RBMXL1: variants seen among roughly 807,000 people sequenced by gnomAD.
RBMXL1 encodes RNA binding motif protein, X-linked-like-1.
A neutral mutation model predicts 29.0 loss-of-function variants in RBMXL1; 18 were observed. The ratio of observed to expected loss-of-function variants is 0.62; its 90% CI spans 0.43 to 0.92. The LOEUF is 0.92. Among genes scored for constraint, RBMXL1 ranks in the 40% least tolerant of loss-of-function variants. The probability of loss-of-function intolerance (pLI) is 0.00; values close to 1 mark genes in which losing one functional copy is unlikely to be tolerated. For missense variants in RBMXL1, 403 were observed against 495.8 expected (o/e 0.81, Z 1.78); for synonymous variants, 141 against 170.4 (o/e 0.83, Z 1.34).
In RBMXL1 at chr1:88,982,817, C is replaced by A. The variant is rs754134807; in HGVS notation, c.1010G>T (p.Ser337Ile). Residue 337 changes from serine (S) to isoleucine (I), a missense_variant, in exon 3 of 3, where the codon AGT becomes ATT. Physicochemically the swap from Ser to Ile is moderately radical, Grantham distance 142. Transcript: ENST00000652648. ...YSSSRSDLYSSCDRVGRQERG... is the reference protein window; with the variant it reads ...YSSSRSDLYSICDRVGRQERG... ...TTCTTGTCTGCCAACCCTGTCACAA[C>A]TTGAGTAGAGATCACTTCGGCTGCT... 11 of 1,613,872 alleles carry A rather than the reference C, an allele frequency of 6.8e-6. No individual in the cohort carries two copies. The South Asian group carries it at 1.2e-4, about 18-fold the overall frequency.
At chr1:88,988,161 A>C (rs549026317) in intron 2 of RBMXL1, 91 bp downstream of exon 2, 1,029 of 776,414 alleles carry the variant, frequency 1.3e-3, no homozygotes, top group Non-Finnish European at 1.9e-3. Flanking sequence ...ATTTCAATAA[A>C]GTATTTGTAA....
rs772275787 is a variant in RBMXL1 at position 88,981,061 on chromosome 1, C to G, written c.*1593G>C. ...CTTTGAGAACATTACACTATTGGCT[C>G]TAGTCTCCAAAGCAATAAACTAAAA... On this transcript the variant is annotated 3_prime_UTR_variant, in exon 3 of 3. Coordinates refer to ENST00000652648, the MANE Select transcript of RBMXL1 (RefSeq NM_001162536.3). The G allele has an allele frequency of 2.6e-5, 4 of 152,172 alleles. No homozygotes were observed. The highest frequency in any genetic ancestry group is 1.9e-4 in the East Asian group (1 of 5,190). 9.4% of individuals were successfully genotyped at this position (152,172 alleles called of 1,614,324 possible). A position where few individuals can be genotyped will look rare whatever the true frequency, so the allele number is the denominator to read the frequency against.
rs1173546833 is a variant in RBMXL1 at position 88,992,609 on chromosome 1, C to T, written c.-365G>A. ...CCTATCCGGTGCGGGAACCTCGCCT[C>T]CCTAGGCTCGAGTCCCGACTGGGCT... On this transcript the variant is annotated 5_prime_UTR_variant, in exon 1 of 3. Coordinates refer to ENST00000652648, the MANE Select transcript of RBMXL1 (RefSeq NM_001162536.3). The T allele has an allele frequency of 6.5e-6, 1 of 152,942 alleles. No homozygotes were observed. The highest frequency in any genetic ancestry group is 2.4e-5 in the African/African-American group (1 of 41,476). 9.5% of individuals were successfully genotyped at this position (152,942 alleles called of 1,614,324 possible). A position where few individuals can be genotyped will look rare whatever the true frequency, so the allele number is the denominator to read the frequency against.
chr1:88,986,947 T>C (rs1370604444), intron 2 of RBMXL1, among the ~76,000 whole-genome samples: 3 of 152,352 alleles, frequency 2.0e-5, no homozygotes, highest in Non-Finnish European at 2.9e-5. Context: ...TTTTCCAATG[T>C]AGTTAAAATG....
intron 2 of RBMXL1, among the ~76,000 whole-genome samples, chr1:88,987,166 C>T (rs1259580563): frequency 1.3e-5 from 2 of 152,154 alleles, no homozygotes; most frequent in Non-Finnish European, 2.9e-5. Flanking sequence ...AATTAGAATG[C>T]ATAATGGTGA....
At position 88,982,766 on chromosome 1, in the gene RBMXL1, C is replaced by T. The variant is rs1223811066; in HGVS notation, c.1061G>A (p.Arg354Lys). The T allele has an allele frequency of 6.2e-7, 1 of 1,613,950 alleles. No individual in the cohort carries two copies. ...GGAATCACGTGAAGAAGGGTACCCC[C>T]TTTCTACAGAAGGGGGAAGCCCTCT... ...QERGLPPSVE[R>K]GYPSSRDSYS... is the part of the protein sequence containing the mutation. The change falls in exon 3 of 3, where the codon AGG becomes AAG. Residue 354 changes from arginine to lysine, a missense_variant. Arg to Lys is a conservative substitution (Grantham distance 26, BLOSUM62 2). Transcript: ENST00000652648.
intron 2 of RBMXL1, among the ~76,000 whole-genome samples, chr1:88,986,838 C>G (rs1246966628): frequency 6.6e-6 from 1 of 152,170 alleles, no homozygotes; most frequent in Non-Finnish European, 1.5e-5. Flanking sequence ...TTTTGTAACA[C>G]TGGCCAGTGT....
At position 88,983,018 on chromosome 1, in the gene RBMXL1, C is replaced by A; in HGVS notation, c.809G>T (p.Arg270Leu). Residue 270 changes from arginine to leucine, a missense_variant, in exon 3 of 3, where the codon CGT (arginine) becomes CTT (leucine). Transcript: ENST00000652648. The stretch of plus-strand genomic sequence containing the variant: ...TCCACTTGGATGATCTGAATAGTCA[C>A]GATCACGACCATATCCATCTCTATC... ...YGDRDGYGRDRDYSDHPSGGS... is the reference protein window; with the variant it reads ...YGDRDGYGRDLDYSDHPSGGS... 1.2e-6 allele frequency: 2 copies of A among 1,612,938 alleles called. No individual in the cohort carries two copies. The highest frequency in any genetic ancestry group is 1.7e-6 in the Non-Finnish European group (2 of 1,179,968).
rs749115279 is a variant in RBMXL1, at chr1:88,982,934, C to T, written c.893G>A (p.Arg298Gln). Residue 298 changes from arginine to glutamine, a missense_variant, in exon 3 of 3, where the codon CGA becomes CAA. Transcript: ENST00000652648. ...TCCACCATAAGATGGCGGGGGCCCTCGTGTAAGTGGAGCACTACGTGAGTT... is the reference window on the plus strand; with the variant it reads ...TCCACCATAAGATGGCGGGGGCCCTTGTGTAAGTGGAGCACTACGTGAGTT... Reference protein sequence around the residue: ...YGNSRSAPLTRGPPPSYGGSS... With the variant: ...YGNSRSAPLTQGPPPSYGGSS... 4 of 1,613,938 alleles carry T rather than the reference C, an allele frequency of 2.5e-6. No homozygotes were observed. Among genetic ancestry groups the T allele is most frequent in the Middle Eastern group, 1.7e-4 (1 of 6,030 alleles).
Position 88,983,376 on chromosome 1 carries a change from T to C in RBMXL1, c.451A>G (p.Arg151Gly). Residue 151 changes from arginine to glycine, a missense_variant, in exon 3 of 3, where the codon AGA (arginine) becomes GGA (glycine). Arg to Gly is a moderately radical substitution (Grantham distance 125). Transcript: ENST00000652648. ...SSSRGPLPVK[R>G]GPPPRSGGPS... ...CCCCCACTTCTTGGTGGTGGTCCTC[T>C]TTTTACTGGGAGTGGTCCCCTGGAA... 1 of 1,614,214 alleles carries C rather than the reference T, an allele frequency of 6.2e-7. No homozygotes were observed. The highest frequency in any genetic ancestry group is 8.5e-7 in the Non-Finnish European group (1 of 1,180,040).
chr1:88,991,292 A>T (rs1395248400), intron 1 of RBMXL1, among the ~76,000 whole-genome samples: 1 of 152,218 alleles, frequency 6.6e-6, no homozygotes, highest in African/African-American at 2.4e-5. Context: ...AATCCAAATG[A>T]TCAATTTATA....
chr1:88,982,679 C>G lies in RBMXL1; in HGVS notation c.1148G>C (p.Arg383Thr), dbSNP rs139661813. 1.1e-4 allele frequency: 175 copies of G among 1,612,984 alleles called. No homozygotes were observed. The highest frequency in any genetic ancestry group is 1.4e-4 in the Non-Finnish European group (160 of 1,179,374). ...GAGPGGSRSDRGGGRSRY is the reference protein window; with the variant it reads ...GAGPGGSRSDTGGGRSRY ...CTAGTATCTGCTTCTGCCTCCCCCT[C>G]TATCAGATCGGCTTCCTCCAGGGCC... Residue 383 changes from arginine to threonine, a missense_variant, in exon 3 of 3, where the codon AGA becomes ACA. Physicochemically the swap from Arg to Thr is moderately conservative, Grantham distance 71. Transcript: ENST00000652648.
rs74100108 is a variant in RBMXL1 at position 88,988,163 on chromosome 1, T to G, written c.-241+89A>C. On this transcript the variant is annotated intron_variant, in intron 2 of 2. Coordinates refer to ENST00000652648, the MANE Select transcript of RBMXL1 (RefSeq NM_001162536.3). ...AATAGAAATGTTCATTTCAATAAAGTATTTGTAAAAAAGCATCTGAAAAAT... is the reference window on the plus strand; with the variant it reads ...AATAGAAATGTTCATTTCAATAAAGGATTTGTAAAAAAGCATCTGAAAAAT... 15,275 of 787,572 alleles carry G rather than the reference T, an allele frequency of 0.019. 1,643 individuals are homozygous for G. In the African/African-American group the frequency reaches 0.23, roughly 12 times the overall value. 48.8% of individuals were successfully genotyped at this position (787,572 alleles called of 1,614,324 possible).
At chr1:88,986,530 G>A (rs948870820) in intron 2 of RBMXL1, among the ~76,000 whole-genome samples, 1 of 150,474 alleles carries the variant, frequency 6.6e-6, no homozygotes, top group African/African-American at 2.4e-5. Context: ...GGTCTCAAGC[G>A]ATCCACTGGC....
In RBMXL1 at chr1:88,981,647, G is replaced by T. The variant is rs1244607581; in HGVS notation, c.*1007C>A. ...TGCACTGACTTACCAACAATCAGCC[G>T]CCTTCTGCTTCAACAACTCTTAGCA... On this transcript the variant is annotated 3_prime_UTR_variant, in exon 3 of 3. Coordinates refer to ENST00000652648, the MANE Select transcript of RBMXL1 (RefSeq NM_001162536.3). 5.9e-6 allele frequency: 1 copy of T among 168,788 alleles called. No individual in the cohort carries two copies. The allele number at this position is 168,788 out of a possible 1,614,324, so 10.5% of individuals were successfully genotyped here.
chr1:88,990,852 CAT>C (rs200723667), intron 1 of RBMXL1, among the ~76,000 whole-genome samples: 4 of 151,820 alleles, frequency 2.6e-5, no homozygotes, highest in African/African-American at 4.8e-5. Flanking sequence ...ATCAACATTG[CAT>C]ATATATATAT....
chr1:88,989,031 C>T (rs777743850), intron 1 of RBMXL1, among the ~76,000 whole-genome samples: 3 of 152,146 alleles, frequency 2.0e-5, no homozygotes, highest in Non-Finnish European at 4.4e-5. Context: ...GAAACTATTA[C>T]AATACTGCCA....
chr1:88,984,280 TCTTGG>T (rs1284029562), intron 2 of RBMXL1, among the ~76,000 whole-genome samples: 3 of 134,048 alleles, frequency 2.2e-5, no homozygotes, highest in Non-Finnish European at 4.7e-5. Context: ...AGCGGCGCAA[TCTTGG>T]CTCACTGCAA....
At position 88,988,477 on chromosome 1, in the gene RBMXL1, G is replaced by A. The variant is rs572477620; in HGVS notation, c.-340-126C>T. ...ATCCAAGTAAACATTTTTGATAAGT[G>A]AGTTTGCTTTCTTTCAAGTTTTCTT... On this transcript the variant is annotated intron_variant, in intron 1 of 2. Coordinates refer to ENST00000652648, the MANE Select transcript of RBMXL1 (RefSeq NM_001162536.3). The A allele has an allele frequency of 1.4e-4, 76 of 527,334 alleles. 1 individual carries two copies. The South Asian group carries it at 2.0e-3, about 14-fold the overall frequency. 32.7% of individuals were successfully genotyped at this position (527,334 alleles called of 1,614,324 possible). A position where few individuals can be genotyped will look rare whatever the true frequency, so the allele number is the denominator to read the frequency against.
Sources: allele counts gnomAD v4.1 joint callset (sites outside exome capture counted in the v4.1 genomes callset), GRCh38; gene constraint gnomAD v4.1.1; transcripts MANE v1.5; gene names NCBI Gene and HGNC (gene_info 2026-07-23, HGNC 2026-07-21).